Variants in ZFTRAF1 observed in about 807,000 individuals in gnomAD.
ZFTRAF1 encodes zinc finger TRAF-type-containing protein 1.
chr8:144,460,080 A>T, the ZFTRAF1 span, among the ~76,000 whole-genome samples: 1 of 152,190 alleles, frequency 6.6e-6, no homozygotes, highest in African/African-American at 2.4e-5. Flanking sequence ...CCAGGTCTCC[A>T]GGTCTGTGTT....
chr8:144,461,328 G>A, the ZFTRAF1 span, among the ~76,000 whole-genome samples: 4 of 152,228 alleles, frequency 2.6e-5, no homozygotes, highest in East Asian at 1.9e-4. Context: ...ATTTCTCACA[G>A]GGACTGGGGA....
At chr8:144,450,111 C>T in the ZFTRAF1 span, 3 of 467,762 alleles carry the variant, frequency 6.4e-6, no homozygotes, top group Admixed American at 6.8e-5. Flanking sequence ...CGTCTCTGAG[C>T]CTCGGGGCGC....
At chr8:144,456,235 A>G in the ZFTRAF1 span, 1 of 152,384 alleles carries the variant, frequency 6.6e-6, no homozygotes, top group Non-Finnish European at 1.5e-5. Context: ...CCCGGTCCCG[A>G]CCAACACTCA....
At chr8:144,460,655 G>A in the ZFTRAF1 span, among the ~76,000 whole-genome samples, 1 of 152,246 alleles carries the variant, frequency 6.6e-6, no homozygotes, top group Admixed American at 6.5e-5. Flanking sequence ...GGCCGAGGCA[G>A]GCGGATCACC....
the ZFTRAF1 span, among the ~76,000 whole-genome samples, chr8:144,460,122 G>C: frequency 4.6e-5 from 7 of 152,316 alleles, no homozygotes; most frequent in African/African-American, 1.7e-4. Context: ...ACAGCCGAGA[G>C]CCACCCGCCG....
At chr8:144,452,140 C>A in the ZFTRAF1 span, 1 of 624,382 alleles carries the variant, frequency 1.6e-6, no homozygotes, top group Non-Finnish European at 2.9e-6. Context: ...GAGAGCCACA[C>A]AGGTGTGCAC....
chr8:144,459,144 C>T, the ZFTRAF1 span, among the ~76,000 whole-genome samples: 2 of 152,238 alleles, frequency 1.3e-5, no homozygotes, highest in Non-Finnish European at 1.5e-5. Context: ...ACGTCCCGGG[C>T]ACCGCTGAGG....
At chr8:144,451,888 G>A in the ZFTRAF1 span, 3,425 of 233,452 alleles carry the variant, frequency 0.015, 118 homozygotes, top group African/African-American at 0.071. Context: ...GAATGGCTTC[G>A]TGCCAGCCTT....
the ZFTRAF1 span, chr8:144,462,479 G>A: frequency 5.1e-6 from 1 of 195,776 alleles, no homozygotes; most frequent in Non-Finnish European, 9.8e-6. Flanking sequence ...CCGGGCGCCC[G>A]CCAAGCCCGC....
At chr8:144,460,873 G>T in the ZFTRAF1 span, among the ~76,000 whole-genome samples, 9 of 152,184 alleles carry the variant, frequency 5.9e-5, no homozygotes, top group Non-Finnish European at 1.3e-4. Flanking sequence ...GACAGAGTGA[G>T]ACTCCGTCTC....
the ZFTRAF1 span, among the ~76,000 whole-genome samples, chr8:144,460,958 C>G: frequency 6.6e-6 from 1 of 152,182 alleles, no homozygotes; most frequent in African/African-American, 2.4e-5. Context: ...AGAGTGGGCA[C>G]ATCTTGGAAG....
At chr8:144,461,622 T>C in the ZFTRAF1 span, among the ~76,000 whole-genome samples, 3 of 151,904 alleles carry the variant, frequency 2.0e-5, no homozygotes, top group Non-Finnish European at 4.4e-5. Flanking sequence ...GCAAGTCCAG[T>C]TGGATGTGGG....
At chr8:144,462,072 C>G in the ZFTRAF1 span, among the ~76,000 whole-genome samples, 5 of 152,252 alleles carry the variant, frequency 3.3e-5, no homozygotes, top group African/African-American at 1.2e-4. Context: ...GGGTCCCGAG[C>G]GGAAAATAAA....
chr8:144,458,860 G>C, the ZFTRAF1 span, among the ~76,000 whole-genome samples: 15 of 152,366 alleles, frequency 9.8e-5, no homozygotes, highest in Non-Finnish European at 2.2e-4. Context: ...GCACTGTGCA[G>C]GGCCGAGTTA....
chr8:144,450,541 G>A, the ZFTRAF1 span: 86 of 718,286 alleles, frequency 1.2e-4, 1 homozygote, highest in South Asian at 9.2e-4. Context: ...TCCTCACGTC[G>A]TCGTAGGGGC....
At chr8:144,451,188 G>T in the ZFTRAF1 span, 1 of 175,902 alleles carries the variant, frequency 5.7e-6, no homozygotes, top group Non-Finnish European at 1.2e-5. Flanking sequence ...GCCAGCAGGC[G>T]GCTGCGGCAC....
At chr8:144,452,662 AC>A in the ZFTRAF1 span, 2 of 1,233,866 alleles carry the variant, frequency 1.6e-6, no homozygotes, top group Non-Finnish European at 2.2e-6. Flanking sequence ...CCAGCTAAGA[AC>A]CCCTTCCTGC....
chr8:144,457,343 G>A, the ZFTRAF1 span: 548 of 152,320 alleles, frequency 3.6e-3, 3 homozygotes, highest in Middle Eastern at 6.8e-3. Flanking sequence ...TTCCTCATGT[G>A]CACAGGTGAT....
At chr8:144,458,249 C>A in the ZFTRAF1 span, among the ~76,000 whole-genome samples, 1 of 152,354 alleles carries the variant, frequency 6.6e-6, no homozygotes, top group Non-Finnish European at 1.5e-5. Context: ...GGTGGCCAAT[C>A]AATCCCCAGA....
Sources: allele counts gnomAD v4.1 joint callset (sites outside exome capture counted in the v4.1 genomes callset), GRCh38; gene constraint gnomAD v4.1.1; transcripts MANE v1.5; gene names NCBI Gene and HGNC (gene_info 2026-07-23, HGNC 2026-07-21).